The following CDC42BPA variants were observed in gnomAD, a reference collection of about 807,000 sequenced individuals.
The protein encoded by CDC42BPA is serine/threonine-protein kinase MRCK alpha.
CDC42BPA carries 80 observed loss-of-function variants against 223.5 expected under a neutral mutation model. The ratio of observed to expected loss-of-function variants is 0.36; its 90% CI spans 0.30 to 0.43. The LOEUF (loss-of-function observed/expected upper bound fraction) is 0.43. Ranked by LOEUF, CDC42BPA falls within the 20% of genes least tolerant of loss-of-function variation. CDC42BPA has a pLI of 1.00. For synonymous variants in CDC42BPA, 694 were observed against 718.6 expected, an observed-to-expected ratio of 0.97 and a Z score of 0.55; for missense variants, 1,743 against 2,099.9, an observed-to-expected ratio of 0.83 and a Z score of 3.32.
intron 16 of CDC42BPA, among the ~76,000 whole-genome samples, chr1:227,086,199 T>G (rs1296805587): frequency 3.9e-5 from 6 of 152,212 alleles, no homozygotes; most frequent in Non-Finnish European, 7.3e-5. Flanking sequence ...TTCTAGTATA[T>G]GGGTATGATA....
chr1:227,031,375 C>T lies in CDC42BPA; in HGVS notation c.3698G>A (p.Arg1233His), dbSNP rs961490. Residue 1233 changes from arginine to histidine, a missense_variant, in exon 28 of 37, where the codon CGC (arginine) becomes CAC (histidine). Arg to His is a conservative substitution (Grantham distance 29). Transcript: ENST00000366766. The stretch of plus-strand genomic sequence containing the variant: ...AGCCTCTTTGGGAACATAGACTGAG[C>T]GGTCTCTGAATTTGTTTTTCTTCAA... ...KILKKNKFRD[R>H]SVYVPKEAYD... 2.5e-3 allele frequency: 3,983 copies of T among 1,613,990 alleles called. 92 individuals carry two copies. In the East Asian group the frequency reaches 0.038, roughly 15 times the overall value.
intron 21 of CDC42BPA, chr1:227,069,518 A>T (rs1677832838): frequency 3.6e-6 from 1 of 275,066 alleles, no homozygotes; most frequent in Non-Finnish European, 6.8e-6. Flanking sequence ...AATGTTTCTT[A>T]AGGGAGATGA....
At chr1:227,255,858 T>C (rs12566059) in intron 1 of CDC42BPA, among the ~76,000 whole-genome samples, 30,736 of 152,064 alleles carry the variant, frequency 0.2, 3,175 homozygotes, top group East Asian at 0.26. Context: ...AGACTTAATA[T>C]TGTTAATATG....
chr1:227,150,210 G>A (rs910364938), intron 6 of CDC42BPA, among the ~76,000 whole-genome samples: 8 of 130,620 alleles, frequency 6.1e-5, no homozygotes, highest in Admixed American at 1.6e-4. Context: ...GGCGACAAGA[G>A]TGAAACCCTG....
intron 34 of CDC42BPA, among the ~76,000 whole-genome samples, chr1:227,007,745 C>T (rs1197104278): frequency 1.3e-5 from 2 of 152,184 alleles, no homozygotes; most frequent in African/African-American, 2.4e-5. Context: ...ACATACCTGC[C>T]ATACATTGAT....
chr1:227,013,767 C>G (rs1665675545), intron 34 of CDC42BPA, among the ~76,000 whole-genome samples: 1 of 151,932 alleles, frequency 6.6e-6, no homozygotes, highest in Admixed American at 6.6e-5. Flanking sequence ...CTATTAAAAC[C>G]TTGTAACTAC....
rs149633059 is a variant in CDC42BPA, at chr1:227,119,864, T to C, written c.1587A>G (p.Gln529=). 1.2e-5 allele frequency: 19 copies of C among 1,603,558 alleles called. No individual in the cohort carries two copies. The East Asian group carries it at 2.0e-4, about 17-fold the overall frequency. ...VRQELDDAFR[Q]IKAYEKQIKT... ...TGATTTGTTTTTCATAAGCCTTGAT[T>C]TGTCTAAAAGCATCATCTAGTTCTT... The change falls in exon 12 of 37, where the codon CAA becomes CAG. Residue 529 remains glutamine (Q), a synonymous_variant. Coordinates refer to ENST00000366766, the MANE Select transcript of CDC42BPA (RefSeq NM_001394014.1).
At chr1:227,124,333 A>G (rs1277299976) in intron 11 of CDC42BPA, among the ~76,000 whole-genome samples, 1 of 152,226 alleles carries the variant, frequency 6.6e-6, no homozygotes, top group East Asian at 1.9e-4. Context: ...TTGTATACAC[A>G]AAGACTTTGC....
chr1:227,074,369 A>T lies in CDC42BPA; in HGVS notation c.2481-5T>A. 6.2e-7 allele frequency: 1 copy of T among 1,602,104 alleles called. No individual in the cohort carries two copies. Among genetic ancestry groups the T allele is most frequent in the Non-Finnish European group, 8.5e-7 (1 of 1,172,124 alleles). ...GCATCCTTTTCATCGCTGACCCTAGAATATATAAAGACAAAGTACAAAAGT... is the reference window on the plus strand; with the variant it reads ...GCATCCTTTTCATCGCTGACCCTAGTATATATAAAGACAAAGTACAAAAGT... On this transcript the variant is annotated splice_region_variant and splice_polypyrimidine_tract_variant and intron_variant, in intron 17 of 36. Coordinates refer to ENST00000366766, the MANE Select transcript of CDC42BPA (RefSeq NM_001394014.1).
chr1:227,164,129 T>C (rs1185588689), intron 5 of CDC42BPA, among the ~76,000 whole-genome samples: 1 of 152,154 alleles, frequency 6.6e-6, no homozygotes, highest in Non-Finnish European at 1.5e-5. Flanking sequence ...CAGGCATAAA[T>C]TGGAACTCTC....
intron 34 of CDC42BPA, among the ~76,000 whole-genome samples, chr1:227,007,009 T>C (rs1312678227): frequency 2.0e-5 from 3 of 151,882 alleles, no homozygotes; most frequent in Non-Finnish European, 4.4e-5. Flanking sequence ...GCAATTCTGC[T>C]TGGTGGTGGG....
chr1:227,181,563 C>T (rs372229602), intron 5 of CDC42BPA, among the ~76,000 whole-genome samples: 3 of 152,158 alleles, frequency 2.0e-5, no homozygotes, highest in East Asian at 3.9e-4. Context: ...TATATGGAGA[C>T]GTAAAAATAG....
intron 32 of CDC42BPA, among the ~76,000 whole-genome samples, chr1:227,018,031 G>C (rs1273945188): frequency 2.1e-5 from 1 of 47,374 alleles, no homozygotes; most frequent in African/African-American, 8.4e-5. Context: ...TTTAAAAATA[G>C]AATTATTATT....
intron 5 of CDC42BPA, among the ~76,000 whole-genome samples, chr1:227,169,925 T>C (rs1162036994): frequency 2.0e-5 from 3 of 152,228 alleles, no homozygotes; most frequent in Non-Finnish European, 4.4e-5. Flanking sequence ...TTCTAAAAGA[T>C]GTAGCCAATC....
chr1:227,301,583 C>T (rs1435733609), intron 1 of CDC42BPA, among the ~76,000 whole-genome samples: 1 of 152,156 alleles, frequency 6.6e-6, no homozygotes, highest in Non-Finnish European at 1.5e-5. Context: ...TGGTCTCAAT[C>T]TCTTGACCTC....
chr1:227,051,962 A>C lies in CDC42BPA; in HGVS notation c.2928T>G (p.Tyr976Ter). ...QFETDPVENT[Y>*]VWNPSVKFHI... Reference sequence around the variant, plus strand: ...GAAACTTGACGCTCGGGTTCCATACATATGTGTTCTCAACGGGATCAGTCT... The same window carrying C: ...GAAACTTGACGCTCGGGTTCCATACCTATGTGTTCTCAACGGGATCAGTCT... The change falls in exon 22 of 37, where the codon TAT (tyrosine) becomes TAG (stop). Residue 976 changes from tyrosine (Y) to a stop codon, truncating the protein, a stop_gained. Coordinates refer to ENST00000366766, the MANE Select transcript of CDC42BPA (RefSeq NM_001394014.1). LOFTEE classifies it high-confidence loss of function. 7.3e-7 allele frequency: 1 copy of C among 1,366,312 alleles called. No homozygotes were observed. The highest frequency in any genetic ancestry group is 4.5e-5 in the East Asian group (1 of 21,986). The allele number at this position is 1,366,312 out of a possible 1,614,324, so 84.6% of individuals were successfully genotyped here. A position where few individuals can be genotyped will look rare whatever the true frequency, so the allele number is the denominator to read the frequency against.
intron 23 of CDC42BPA, among the ~76,000 whole-genome samples, chr1:227,046,355 G>C (rs1672447814): frequency 6.6e-6 from 1 of 152,082 alleles, no homozygotes; most frequent in South Asian, 2.1e-4. Flanking sequence ...TCTCCAAGCA[G>C]AGTGGGGAGG....
chr1:227,257,942 G>C (rs1683377268), intron 1 of CDC42BPA, among the ~76,000 whole-genome samples: 1 of 150,872 alleles, frequency 6.6e-6, no homozygotes, highest in Non-Finnish European at 1.5e-5. Context: ...GGCCAAAGCA[G>C]ACGGATTGCT....
intron 6 of CDC42BPA, among the ~76,000 whole-genome samples, chr1:227,158,567 T>C (rs796281974): frequency 2.0e-5 from 3 of 152,272 alleles, no homozygotes; most frequent in African/African-American, 7.2e-5. Context: ...AATCTAAGAT[T>C]TGTCATAAGC....
Sources: gnomAD v4.1 joint callset for allele counts (sites outside exome capture counted in the v4.1 genomes callset) on GRCh38, gnomAD v4.1.1 for gene constraint, MANE v1.5 for transcripts, NCBI Gene and HGNC (gene_info 2026-07-23, HGNC 2026-07-21) for gene names.